The following BLVRA variants were observed in gnomAD, a reference collection of about 807,000 sequenced individuals.
BLVRA encodes biliverdin reductase A, also known as BVR A.
BLVRA carries 22 observed loss-of-function variants against 32.8 expected under a neutral mutation model. The ratio of observed to expected loss-of-function variants is 0.67; its 90% confidence interval spans 0.48 to 0.96. BLVRA has a LOEUF of 0.96. BLVRA is among the 40% of genes least tolerant of loss of function. The pLI, the probability that BLVRA is intolerant of heterozygous loss-of-function variation, is 0.00. For synonymous variants in BLVRA, 119 were observed against 141.3 expected (o/e 0.84, Z 1.12); for missense variants, 323 against 358.1 (o/e 0.90, Z 0.79).
rs1178230381 is a variant in BLVRA, at chr7:43,787,968, A to T, written c.77A>T (p.Asp26Val). 6.2e-7 allele frequency: 1 copy of T among 1,614,076 alleles called. No individual in the cohort carries two copies. Among genetic ancestry groups the T allele is most frequent in the Non-Finnish European group, 8.5e-7 (1 of 1,180,024 alleles). ...VGRAGSVRMR[D>V]LRNPHPSSAF... ...CGAGCCGGCTCCGTGCGGATGAGGG[A>T]CTTGCGGAATCCACACCCTTCCTCA... is the stretch of plus-strand genomic sequence containing the variant. Residue 26 changes from aspartate to valine, a missense_variant, in exon 3 of 8, where the codon GAC becomes GTC. Asp to Val is a radical substitution (Grantham distance 152). Transcript: ENST00000265523. This position sits in a 1 kb window ranked among gnomAD's most constrained non-coding sequence, Gnocchi z 4.5.
At position 43,800,367 on chromosome 7, in the gene BLVRA, C is replaced by T. The variant is rs1404993039; in HGVS notation, c.353-98C>T. 2.6e-6 allele frequency: 3 copies of T among 1,175,086 alleles called. No individual in the cohort carries two copies. The African/African-American group carries it at 4.5e-5, about 18-fold the overall frequency. 72.8% of individuals were successfully genotyped at this position (1,175,086 alleles called of 1,614,324 possible). On this transcript the variant is annotated intron_variant, in intron 5 of 7. Coordinates refer to ENST00000265523, the MANE Select transcript of BLVRA (RefSeq NM_000712.4). ...CATGTGCCCAGGGCAGTTATGAGTG[C>T]TTCATGTCTTGTGTTAGGGGATGAC...
intron 2 of BLVRA, 134 bp downstream of exon 2, chr7:43,771,304 G>A (rs777127985): frequency 9.5e-7 from 1 of 1,049,216 alleles, no homozygotes; most frequent in Non-Finnish European, 1.5e-6. Flanking sequence ...GCCTACTGAA[G>A]TGCACGTGGT....
intron 2 of BLVRA, among the ~76,000 whole-genome samples, chr7:43,779,640 C>A (rs2095766387): frequency 6.6e-6 from 1 of 152,138 alleles, no homozygotes; most frequent in Non-Finnish European, 1.5e-5. Flanking sequence ...TATCTGAAGG[C>A]CCCTGTGGCT....
intron 2 of BLVRA, among the ~76,000 whole-genome samples, chr7:43,777,713 T>C (rs920197945): frequency 1.4e-4 from 22 of 152,200 alleles, no homozygotes; most frequent in African/African-American, 4.8e-4. Context: ...GGGGAAGTTC[T>C]CCTGGATAAT....
intron 1 of BLVRA, among the ~76,000 whole-genome samples, chr7:43,770,220 T>C (rs2095753028): frequency 6.6e-6 from 1 of 152,324 alleles, no homozygotes; most frequent in African/African-American, 2.4e-5. Flanking sequence ...GCATCTGTAG[T>C]GCATTTTTCA....
intron 3 of BLVRA, among the ~76,000 whole-genome samples, chr7:43,789,716 CTG>C (rs2095783095): frequency 6.6e-6 from 1 of 152,168 alleles, no homozygotes; most frequent in Admixed American, 6.5e-5. Context: ...AGTACTCACA[CTG>C]TTTCCCTCTT....
chr7:43,791,865 A>G (rs2095786463), intron 4 of BLVRA: 1 of 175,252 alleles, frequency 5.7e-6, no homozygotes. Context: ...TGCCTTCCTC[A>G]GTCTAGCTTC....
At chr7:43,760,136 A>G (rs1276009026) in intron 1 of BLVRA, 2 of 151,788 alleles carry the variant, frequency 1.3e-5, no homozygotes, top group Non-Finnish European at 2.9e-5. Context: ...CGGCCTCCCA[A>G]AGTGCTGGGA....
At chr7:43,776,164 T>C (rs1340782249) in intron 2 of BLVRA, among the ~76,000 whole-genome samples, 3 of 152,224 alleles carry the variant, frequency 2.0e-5, no homozygotes, top group African/African-American at 7.2e-5. Flanking sequence ...TGATTTTAGT[T>C]ATTTCTTGCC....
At chr7:43,763,645 G>A (rs990091281) in intron 1 of BLVRA, among the ~76,000 whole-genome samples, 13 of 152,186 alleles carry the variant, frequency 8.5e-5, no homozygotes, top group African/African-American at 1.9e-4. Flanking sequence ...AAGTAATGTC[G>A]TGTCATTCTC....
At position 43,776,790 on chromosome 7, in the gene BLVRA, G is replaced by C. The variant is rs2095761523; in HGVS notation, c.12+5620G>C. On this transcript the variant is annotated intron_variant, in intron 2 of 7. Coordinates refer to ENST00000265523, the MANE Select transcript of BLVRA (RefSeq NM_000712.4). ...GTGTGGGAGTCTAAGTCTCTTTGTA[G>C]GTCACTCAGGACTTGCTTTATGAAT... is the stretch of plus-strand genomic sequence containing the variant. Among the ~76,000 whole-genome samples, 14 of 152,140 alleles carry C rather than the reference G, an allele frequency of 9.2e-5. 1 individual carries two copies. In the South Asian group the frequency reaches 2.9e-3, roughly 32 times the overall value.
chr7:43,782,744 G>A (rs2095771469), intron 2 of BLVRA, among the ~76,000 whole-genome samples: 1 of 152,178 alleles, frequency 6.6e-6, no homozygotes, highest in South Asian at 2.1e-4. Flanking sequence ...AAAGTGAAAT[G>A]TGAAAAGAAA....
At chr7:43,776,094 C>G (rs1313854536) in intron 2 of BLVRA, among the ~76,000 whole-genome samples, 2 of 152,150 alleles carry the variant, frequency 1.3e-5, no homozygotes, top group Non-Finnish European at 2.9e-5. Flanking sequence ...AAAACCAGCT[C>G]CTGGATTCAT....
intron 1 of BLVRA, among the ~76,000 whole-genome samples, chr7:43,763,517 A>G (rs889063557): frequency 1.3e-5 from 2 of 152,188 alleles, no homozygotes; most frequent in South Asian, 2.1e-4. Context: ...GGGGCGCTCT[A>G]CTTCTTAGGG....
chr7:43,774,336 C>A (rs2095758072), intron 2 of BLVRA, among the ~76,000 whole-genome samples: 2 of 152,132 alleles, frequency 1.3e-5, no homozygotes, highest in South Asian at 4.1e-4. Context: ...GGAAGGGATC[C>A]AGTTTCAGCT....
rs751142620 is a variant in BLVRA at position 43,787,873 on chromosome 7, T to C, written c.13-31T>C. On this transcript the variant is annotated intron_variant, in intron 2 of 7. Coordinates refer to ENST00000265523, the MANE Select transcript of BLVRA (RefSeq NM_000712.4). The surrounding 1 kb of genome is among the most constrained non-coding windows in gnomAD (Gnocchi z 4.5). ...TTTCTGCTCGATGCCTACAGTGTTT[T>C]CAGACTCCACCTTGGTCCCTTGTGT... 7 of 1,614,052 alleles carry C rather than the reference T, an allele frequency of 4.3e-6. No individual in the cohort carries two copies. The South Asian group carries it at 7.7e-5, about 18-fold the overall frequency.
chr7:43,789,930 G>C (rs2132577662), intron 3 of BLVRA, among the ~76,000 whole-genome samples: 1 of 151,960 alleles, frequency 6.6e-6, no homozygotes, highest in South Asian at 2.1e-4. Flanking sequence ...TGAGCTCATT[G>C]AAAGGCGATG....
At chr7:43,788,444 G>A (rs1466082977) in intron 3 of BLVRA, among the ~76,000 whole-genome samples, 1 of 152,170 alleles carries the variant, frequency 6.6e-6, no homozygotes, top group African/African-American at 2.4e-5. Context: ...TAACCCCCCA[G>A]TTTACAGATA....
intron 7 of BLVRA, 57 bp from the exon 8 acceptor site, chr7:43,806,920 C>T: frequency 6.2e-7 from 1 of 1,607,692 alleles, no homozygotes; most frequent in Non-Finnish European, 8.5e-7. Flanking sequence ...CCAGCAAGCA[C>T]CCACTTGTGC....
Sources: gnomAD v4.1 joint callset for allele counts (sites outside exome capture counted in the v4.1 genomes callset) on GRCh38, gnomAD v4.1.1 for gene constraint, Gnocchi (gnomAD v3.1) non-coding constraint, MANE v1.5 for transcripts, NCBI Gene and HGNC (gene_info 2026-07-23, HGNC 2026-07-21) for gene names.